Variants in PDE4D observed in about 807,000 individuals in gnomAD.
The protein encoded by PDE4D is 3',5'-cyclic-AMP phosphodiesterase 4D.
PDE4D carries 24 observed loss-of-function variants against 87.4 expected under a neutral mutation model. The ratio of observed to expected loss-of-function variants is 0.27; its 90% CI spans 0.20 to 0.39. The LOEUF is 0.39. PDE4D is among the 10% of genes least tolerant of loss of function. PDE4D has a pLI of 1.00. For synonymous variants in PDE4D, 384 were observed against 383.2 expected (o/e 1.00, Z -0.02); for missense variants, 714 against 1,041.0 (o/e 0.69, Z 4.32).
rs915810669 is a variant in PDE4D, at chr5:60,462,226, A to C, written c.-90+25716T>G. Among the ~76,000 whole-genome samples the C allele has an allele frequency of 2.6e-5, 4 of 152,126 alleles. No individual in the cohort carries two copies. In the South Asian group the frequency reaches 8.3e-4, roughly 32 times the overall value. On this transcript the variant is annotated intron_variant, in intron 1 of 16. Coordinates refer to the PDE4D transcript ENST00000502484. ...AATTTCCTGCCCCAAGTGGTCCGAA[A>C]CCAGCTTCCAGGGCCTGGGTGTGTC...
chr5:60,114,862 C>A (rs190307639), intron 2 of PDE4D, among the ~76,000 whole-genome samples: 1 of 150,608 alleles, frequency 6.6e-6, no homozygotes, highest in African/African-American at 2.4e-5. Context: ...ATACATATAA[C>A]TATGTGTGTA....
At chr5:60,397,621 G>T (rs1762973712) in intron 1 of PDE4D, among the ~76,000 whole-genome samples, 1 of 152,184 alleles carries the variant, frequency 6.6e-6, no homozygotes, top group Non-Finnish European at 1.5e-5. Context: ...GAGTAGAATG[G>T]TGTTTACTGG....
intron 1 of PDE4D, among the ~76,000 whole-genome samples, chr5:60,251,400 C>A (rs981818870): frequency 5.3e-5 from 8 of 151,990 alleles, no homozygotes; most frequent in African/African-American, 1.9e-4. Flanking sequence ...TGTTGTTCTC[C>A]TCTATGAGTC....
chr5:59,432,586 G>T (rs1270458708), intron 1 of PDE4D, among the ~76,000 whole-genome samples: 1 of 152,066 alleles, frequency 6.6e-6, no homozygotes, highest in African/African-American at 2.4e-5. Context: ...CTCCTGCCAA[G>T]ACTATCCATT....
intron 3 of PDE4D, among the ~76,000 whole-genome samples, chr5:59,913,867 T>A (rs1215502912): frequency 6.6e-6 from 1 of 152,120 alleles, no homozygotes; most frequent in Non-Finnish European, 1.5e-5. Flanking sequence ...ATCAGGGTTT[T>A]TTTGGCATGA....
intron 1 of PDE4D, among the ~76,000 whole-genome samples, chr5:60,514,261 C>T (rs1750698751): frequency 6.6e-6 from 1 of 151,850 alleles, no homozygotes; most frequent in South Asian, 2.1e-4. Flanking sequence ...TGAATTCTGC[C>T]AAACAGATAA....
intron 4 of PDE4D, among the ~76,000 whole-genome samples, 167 bp downstream of exon 4, chr5:59,185,022 A>G (rs1742566282): frequency 6.6e-6 from 1 of 152,162 alleles, no homozygotes; most frequent in Non-Finnish European, 1.5e-5. Context: ...TAGAACCATC[A>G]CCACGAAGTA....
At chr5:60,097,239 G>C (rs1004377384) in intron 2 of PDE4D, among the ~76,000 whole-genome samples, 2 of 149,380 alleles carry the variant, frequency 1.3e-5, no homozygotes, top group African/African-American at 2.5e-5. Context: ...CGTGTACCTA[G>C]ATACTGCTCA....
chr5:60,313,864 G>C (rs1297024250), intron 1 of PDE4D, among the ~76,000 whole-genome samples: 2 of 152,038 alleles, frequency 1.3e-5, no homozygotes, highest in Non-Finnish European at 2.9e-5. Flanking sequence ...TGATAGATGA[G>C]GAAAAAGCTT....
At chr5:59,844,623 T>A (rs576495440) in intron 1 of PDE4D, among the ~76,000 whole-genome samples, 1 of 152,182 alleles carries the variant, frequency 6.6e-6, no homozygotes, top group East Asian at 1.9e-4. Flanking sequence ...TCTTCCTGCC[T>A]GGAAAATCCT....
chr5:59,051,247 T>A (rs889382697), intron 5 of PDE4D, among the ~76,000 whole-genome samples: 1 of 152,156 alleles, frequency 6.6e-6, no homozygotes, highest in Non-Finnish European at 1.5e-5. Flanking sequence ...GTGGCACATG[T>A]CTGTAGTTCC....
chr5:59,674,109 T>C (rs1024421602), intron 1 of PDE4D, among the ~76,000 whole-genome samples: 2 of 152,138 alleles, frequency 1.3e-5, no homozygotes, highest in Admixed American at 1.3e-4. Context: ...AAAAGTAAGA[T>C]AAAATAAATA....
At chr5:60,498,166 G>GCACACACACACA (rs34436235) in intron 1 of PDE4D, among the ~76,000 whole-genome samples, 36 of 144,296 alleles carry the variant, frequency 2.5e-4, no homozygotes, top group Middle Eastern at 3.5e-3. Flanking sequence ...ACACACACAT[G>GCACACACACACA]CACACACACA....
intron 1 of PDE4D, among the ~76,000 whole-genome samples, chr5:59,523,505 C>A (rs761032980): frequency 2.0e-5 from 3 of 152,164 alleles, no homozygotes; most frequent in Non-Finnish European, 1.5e-5. Context: ...AGATAGCACA[C>A]CTTGTTTTGT....
intron 1 of PDE4D, among the ~76,000 whole-genome samples, chr5:60,198,108 A>C (rs551127353): frequency 6.6e-6 from 1 of 151,428 alleles, no homozygotes; most frequent in East Asian, 1.9e-4. Context: ...TAAAAATAAC[A>C]AGCAACAAAA....
intron 6 of PDE4D, among the ~76,000 whole-genome samples, chr5:59,008,821 A>G (rs543121746): frequency 7.0e-4 from 106 of 152,270 alleles, no homozygotes; most frequent in African/African-American, 2.5e-3. Flanking sequence ...TACAAAATGC[A>G]TATCAAATAA....
chr5:59,993,726 G>C (rs552054231), intron 2 of PDE4D, among the ~76,000 whole-genome samples: 1 of 152,082 alleles, frequency 6.6e-6, no homozygotes, highest in East Asian at 1.9e-4. Flanking sequence ...AATTTTAAAA[G>C]TATAATAAAA....
intron 2 of PDE4D, among the ~76,000 whole-genome samples, chr5:60,146,966 A>C (rs1367296218): frequency 6.6e-6 from 1 of 152,156 alleles, no homozygotes; most frequent in Non-Finnish European, 1.5e-5. Flanking sequence ...AAAAAAGATA[A>C]TAAATATTGG....
chr5:60,030,444 G>A (rs927540371), intron 2 of PDE4D, among the ~76,000 whole-genome samples: 39 of 152,156 alleles, frequency 2.6e-4, no homozygotes, highest in Non-Finnish European at 4.4e-4. Context: ...GCGACAGAGC[G>A]AGACTCCGTC....
Sources: gnomAD v4.1 joint callset for allele counts (sites outside exome capture counted in the v4.1 genomes callset) on GRCh38, gnomAD v4.1.1 for gene constraint, MANE v1.5 for transcripts, NCBI Gene and HGNC (gene_info 2026-07-23, HGNC 2026-07-21) for gene names.